The following DLGAP2 variants were observed in gnomAD, a reference collection of about 807,000 sequenced individuals.
DLGAP2 encodes the protein DLG associated protein 2.
A neutral mutation model predicts 100.3 loss-of-function variants in DLGAP2; 26 were observed. The ratio of observed to expected loss-of-function variants is 0.26; its 90% CI spans 0.19 to 0.36. The LOEUF is 0.36. DLGAP2 is among the 10% of genes least tolerant of loss of function. The pLI is 1.00. For synonymous variants in DLGAP2, 886 were observed against 630.1 expected, an observed-to-expected ratio of 1.41 and a Z score of -6.08; for missense variants, 1,858 against 1,453.2, an observed-to-expected ratio of 1.28 and a Z score of -4.53.
intron 3 of DLGAP2, among the ~76,000 whole-genome samples, chr8:1,432,206 C>A (rs952449535): frequency 3.3e-5 from 5 of 152,232 alleles, no homozygotes; most frequent in Non-Finnish European, 5.9e-5. Context: ...CCCCATATTT[C>A]ATTGCTGTAA....
intron 3 of DLGAP2, among the ~76,000 whole-genome samples, chr8:1,446,400 G>T (rs1400584872): frequency 6.6e-6 from 1 of 152,160 alleles, no homozygotes; most frequent in African/African-American, 2.4e-5. Flanking sequence ...TCAGATGGTT[G>T]TAGATATGTG....
intron 3 of DLGAP2, among the ~76,000 whole-genome samples, chr8:1,452,370 C>G (rs539899011): frequency 1.2e-4 from 18 of 152,236 alleles, no homozygotes; most frequent in Admixed American, 3.3e-4. Flanking sequence ...CACCAAACAT[C>G]AGCCCTGAGC....
chr8:1,026,979 G>C (rs1224449363), intron 2 of DLGAP2, among the ~76,000 whole-genome samples: 1 of 152,132 alleles, frequency 6.6e-6, no homozygotes. Flanking sequence ...TACATTGTAC[G>C]CTTAAAAGTT....
intron 2 of DLGAP2, among the ~76,000 whole-genome samples, chr8:1,096,358 C>T (rs937415419): frequency 1.3e-5 from 2 of 152,216 alleles, no homozygotes; most frequent in South Asian, 2.1e-4. Flanking sequence ...AAATGCATTC[C>T]GGGGCATGTT....
chr8:1,605,554 A>G (rs1472982352), intron 6 of DLGAP2, among the ~76,000 whole-genome samples: 1 of 152,136 alleles, frequency 6.6e-6, no homozygotes, highest in East Asian at 1.9e-4. Flanking sequence ...TTGTGGGCCT[A>G]AGTGCCTCTT....
chr8:877,823 C>T (rs1228174787), intron 1 of DLGAP2, among the ~76,000 whole-genome samples: 3 of 152,182 alleles, frequency 2.0e-5, no homozygotes, highest in Non-Finnish European at 4.4e-5. Flanking sequence ...TTGTGTTCCA[C>T]GGCTCTGAAT....
chr8:1,095,863 T>G (rs1028226568), intron 2 of DLGAP2, among the ~76,000 whole-genome samples: 4 of 152,020 alleles, frequency 2.6e-5, no homozygotes, highest in Admixed American at 6.5e-5. Flanking sequence ...GGGCCAAGCT[T>G]GAGATGTCTA....
chr8:1,680,432 T>G (rs1254841044), intron 12 of DLGAP2: 1 of 152,260 alleles, frequency 6.6e-6, no homozygotes, highest in Non-Finnish European at 1.5e-5. Context: ...GCTGATTTTT[T>G]ATTGTTAAAA....
At chr8:795,283 T>C (rs2132645163) in intron 1 of DLGAP2, among the ~76,000 whole-genome samples, 1 of 152,198 alleles carries the variant, frequency 6.6e-6, no homozygotes, top group East Asian at 1.9e-4. Flanking sequence ...AGACACCTGA[T>C]TTAATATCTA....
At chr8:1,032,709 G>T (rs916784110) in intron 2 of DLGAP2, 2 of 152,168 alleles carry the variant, frequency 1.3e-5, no homozygotes, top group Non-Finnish European at 2.9e-5. Flanking sequence ...GGCTTCTGTT[G>T]TACTCCTAAA....
At chr8:1,475,040 C>A (rs1798893961) in intron 3 of DLGAP2, among the ~76,000 whole-genome samples, 1 of 152,190 alleles carries the variant, frequency 6.6e-6, no homozygotes, top group African/African-American at 2.4e-5. Context: ...CCATGGAATA[C>A]TACGCAGCCA....
chr8:1,256,305 C>T (rs1469625282), intron 2 of DLGAP2, among the ~76,000 whole-genome samples: 20 of 74,362 alleles, frequency 2.7e-4, no homozygotes, highest in African/African-American at 3.9e-4. Flanking sequence ...CGGGTGCTGT[C>T]TGTGTGTCCT....
intron 3 of DLGAP2, among the ~76,000 whole-genome samples, chr8:1,376,933 A>T (rs1263625111): frequency 3.3e-5 from 5 of 152,238 alleles, no homozygotes; most frequent in Non-Finnish European, 7.3e-5. Flanking sequence ...CTGCAGACGC[A>T]GTTCTGAAGG....
chr8:1,499,858 G>A (rs1270257090), intron 3 of DLGAP2, among the ~76,000 whole-genome samples: 1 of 151,974 alleles, frequency 6.6e-6, no homozygotes, highest in Non-Finnish European at 1.5e-5. Flanking sequence ...CGAACTTATT[G>A]AAAATGGCAG....
At chr8:1,257,141 G>C (rs1799241181) in intron 2 of DLGAP2, among the ~76,000 whole-genome samples, 1 of 152,150 alleles carries the variant, frequency 6.6e-6, no homozygotes, top group African/African-American at 2.4e-5. Flanking sequence ...GGAGAGCTCA[G>C]TAGAGCTGTC....
At chr8:1,457,564 ACAGATGGTTCTTCGCAAACCAG>A (rs1370246812) in intron 3 of DLGAP2, among the ~76,000 whole-genome samples, 2 of 152,242 alleles carry the variant, frequency 1.3e-5, no homozygotes, top group African/African-American at 4.8e-5. Context: ...TTCTGATAAG[ACAGATGGTTCTTCGCAAACCAG>A]CTTCATTTTG....
At chr8:818,456 C>G (rs904817537) in intron 1 of DLGAP2, among the ~76,000 whole-genome samples, 1 of 152,200 alleles carries the variant, frequency 6.6e-6, no homozygotes, top group African/African-American at 2.4e-5. Context: ...ATTGAGAAAG[C>G]ACAGACTCAC....
chr8:1,036,140 C>T (rs1257115916), intron 2 of DLGAP2, among the ~76,000 whole-genome samples: 1 of 148,236 alleles, frequency 6.7e-6, no homozygotes, highest in Non-Finnish European at 1.5e-5. Context: ...CCCGACCCCG[C>T]GTGTCACCGC....
At chr8:819,392 C>G (rs952713218) in intron 1 of DLGAP2, among the ~76,000 whole-genome samples, 1 of 152,156 alleles carries the variant, frequency 6.6e-6, no homozygotes, top group Admixed American at 6.5e-5. Flanking sequence ...AAGATATGAT[C>G]AGAAACTCAA....
Sources: allele counts gnomAD v4.1 joint callset (sites outside exome capture counted in the v4.1 genomes callset), GRCh38; gene constraint gnomAD v4.1.1; transcripts MANE v1.5; gene names NCBI Gene and HGNC (gene_info 2026-07-23, HGNC 2026-07-21).